Variants in FGF14 observed in about 807,000 individuals in gnomAD.
The protein encoded by FGF14 is fibroblast growth factor 14, also known as fibroblast growth factor homologous factor 4.
FGF14 carries 5 observed loss-of-function variants against 25.5 expected under a neutral mutation model. The ratio of observed to expected loss-of-function variants is 0.20; its 90% CI spans 0.10 to 0.41. The LOEUF (loss-of-function observed/expected upper bound fraction) is 0.41. FGF14 is among the 10% of genes least tolerant of loss of function. The probability of loss-of-function intolerance (pLI) is 1.00; values close to 1 mark genes in which losing one functional copy is unlikely to be tolerated. For synonymous variants in FGF14, 138 were observed against 118.3 expected (o/e 1.17, Z -1.08); for missense variants, 222 against 320.1 (o/e 0.69, Z 2.34).
intron 1 of FGF14, among the ~76,000 whole-genome samples, chr13:102,228,848 T>C (rs1231390418): frequency 6.6e-6 from 1 of 152,186 alleles, no homozygotes; most frequent in Non-Finnish European, 1.5e-5. Flanking sequence ...GCAAGCTGAA[T>C]ATTAAAATAT....
intron 1 of FGF14, among the ~76,000 whole-genome samples, chr13:102,362,612 T>G (rs2057597869): frequency 6.6e-6 from 1 of 152,204 alleles, no homozygotes; most frequent in African/African-American, 2.4e-5. Flanking sequence ...AAATCAGCTG[T>G]TACCTCTATG....
At chr13:102,396,502 A>G (rs2058587553) in intron 1 of FGF14, among the ~76,000 whole-genome samples, 1 of 152,356 alleles carries the variant, frequency 6.6e-6, no homozygotes, top group East Asian at 1.9e-4. Context: ...CCTTGTTACC[A>G]TATGTATAAA....
At chr13:102,398,265 T>C (rs1189011788) in intron 1 of FGF14, among the ~76,000 whole-genome samples, 1 of 152,206 alleles carries the variant, frequency 6.6e-6, no homozygotes, top group Non-Finnish European at 1.5e-5. Context: ...AGCTAATCAA[T>C]AACTTTTGGG....
At chr13:101,788,941 GAGAGAGAC>G (rs1268826582) in intron 3 of FGF14, among the ~76,000 whole-genome samples, 1,892 of 53,850 alleles carry the variant, frequency 0.035, 17 homozygotes, top group Non-Finnish European at 0.045. Flanking sequence ...GAGAGAGAGA[GAGAGAGAC>G]AGAGAGAGAG....
rs116361394 is a variant in FGF14, at chr13:102,189,562, A to C, written c.208+211909T>G. ...TAAGTTCAAAGAGTTTGAATAAAAT[A>C]GGTCTCATAGGAAGAGTAAAGGTCA... On this transcript the variant is annotated intron_variant, in intron 1 of 4. Transcript: ENST00000376131. 7.9e-4 allele frequency among the ~76,000 whole-genome samples: 120 copies of C among 152,332 alleles called. 1 individual carries two copies. The highest frequency in any genetic ancestry group is 2.7e-3 in the African/African-American group (114 of 41,572).
At chr13:101,968,673 C>CAAAAAAAAAA (rs11410391) in intron 1 of FGF14, among the ~76,000 whole-genome samples, 4 of 79,044 alleles carry the variant, frequency 5.1e-5, no homozygotes, top group Non-Finnish European at 7.8e-5. Flanking sequence ...ACTCCGTCTC[C>CAAAAAAAAAA]AAAAAAAAAA....
chr13:102,306,414 T>C lies in FGF14; in HGVS notation c.208+95057A>G, dbSNP rs187420913. Among the ~76,000 whole-genome samples, 781 of 137,574 alleles carry C rather than the reference T, an allele frequency of 5.7e-3. 5 individuals are homozygous for C. The highest frequency in any genetic ancestry group is 0.018 in the African/African-American group (725 of 39,260). The allele number at this position is 137,574 out of a possible 152,430, so 90.3% of individuals were successfully genotyped here. Reference sequence around the variant, plus strand: ...ATCATGCTTGAGAGAAGGCAGATGATGGAGGGGAAGACAAAGAGAAGAATC... The same window carrying C: ...ATCATGCTTGAGAGAAGGCAGATGACGGAGGGGAAGACAAAGAGAAGAATC... On this transcript the variant is annotated intron_variant, in intron 1 of 4. Coordinates refer to the FGF14 transcript ENST00000376131.
At chr13:101,873,926 T>C (rs931852481) in intron 2 of FGF14, among the ~76,000 whole-genome samples, 2 of 151,870 alleles carry the variant, frequency 1.3e-5, no homozygotes, top group Non-Finnish European at 2.9e-5. Context: ...AAAAGAGTGA[T>C]ATGAGACACA....
At chr13:102,244,363 C>G (rs2051751637) in intron 1 of FGF14, among the ~76,000 whole-genome samples, 1 of 151,744 alleles carries the variant, frequency 6.6e-6, no homozygotes, top group Non-Finnish European at 1.5e-5. Flanking sequence ...TTGTGCAGCT[C>G]CCACATCCTC....
intron 1 of FGF14, among the ~76,000 whole-genome samples, chr13:102,193,408 G>C (rs1012884633): frequency 3.3e-5 from 5 of 152,196 alleles, no homozygotes; most frequent in Non-Finnish European, 5.9e-5. Flanking sequence ...TAAGGACTTT[G>C]AAAAGCTCCA....
At chr13:101,867,396 G>A (rs2044767040) in intron 3 of FGF14, among the ~76,000 whole-genome samples, 1 of 152,090 alleles carries the variant, frequency 6.6e-6, no homozygotes, top group Non-Finnish European at 1.5e-5. Flanking sequence ...ATCAACATAT[G>A]TATCAGAGTA....
chr13:101,827,182 G>C (rs2042430879), intron 3 of FGF14, among the ~76,000 whole-genome samples: 1 of 151,892 alleles, frequency 6.6e-6, no homozygotes, highest in Non-Finnish European at 1.5e-5. Context: ...TTAGACAGTA[G>C]ATGTCATAAT....
intron 1 of FGF14, among the ~76,000 whole-genome samples, chr13:102,319,870 T>C (rs975591754): frequency 2.6e-5 from 4 of 152,212 alleles, no homozygotes; most frequent in Non-Finnish European, 4.4e-5. Context: ...TATATATACA[T>C]GTATGTATGT....
At chr13:101,823,833 T>G (rs901743749) in intron 3 of FGF14, among the ~76,000 whole-genome samples, 10 of 149,518 alleles carry the variant, frequency 6.7e-5, no homozygotes, top group Non-Finnish European at 4.4e-5. Flanking sequence ...TTTATATATA[T>G]AAAATAGTAT....
intron 3 of FGF14, among the ~76,000 whole-genome samples, chr13:101,727,836 T>C (rs1465634748): frequency 6.6e-6 from 1 of 152,256 alleles, no homozygotes; most frequent in East Asian, 1.9e-4. Flanking sequence ...TCTATATGTA[T>C]ATAAAATATA....
At chr13:101,947,813 T>C (rs571169075) in intron 1 of FGF14, among the ~76,000 whole-genome samples, 1 of 152,322 alleles carries the variant, frequency 6.6e-6, no homozygotes, top group South Asian at 2.1e-4. Context: ...CCTGTACATG[T>C]ACCCCTTATG....
At chr13:102,365,083 T>C (rs546514512) in intron 1 of FGF14, among the ~76,000 whole-genome samples, 1 of 152,296 alleles carries the variant, frequency 6.6e-6, no homozygotes, top group South Asian at 2.1e-4. Context: ...TTTTCCATGA[T>C]CTAATTATTA....
At position 102,216,456 on chromosome 13, in the gene FGF14, C is replaced by T. The variant is rs115420297; in HGVS notation, c.208+185015G>A. ...TGGAAGGCTCTATGATCACATCACGCGGTATTCTAAGTAATGGAGATAAAA... is the reference window on the plus strand; with the variant it reads ...TGGAAGGCTCTATGATCACATCACGTGGTATTCTAAGTAATGGAGATAAAA... On this transcript the variant is annotated intron_variant, in intron 1 of 4. Coordinates refer to the FGF14 transcript ENST00000376131. Among the ~76,000 whole-genome samples the T allele has an allele frequency of 8.7e-3, 1,322 of 152,178 alleles. 18 individuals carry two copies. Among genetic ancestry groups the T allele is most frequent in the African/African-American group, 0.031 (1,281 of 41,486 alleles).
At chr13:102,234,992 C>T (rs142504063) in intron 1 of FGF14, among the ~76,000 whole-genome samples, 1,557 of 152,268 alleles carry the variant, frequency 0.01, 22 homozygotes, top group African/African-American at 0.034. Context: ...CAGGTTTCCA[C>T]ATAGAATACA....
Sources: gnomAD v4.1 joint callset for allele counts (sites outside exome capture counted in the v4.1 genomes callset) on GRCh38, gnomAD v4.1.1 for gene constraint, MANE v1.5 for transcripts, NCBI Gene and HGNC (gene_info 2026-07-23, HGNC 2026-07-21) for gene names.